The following PRAMEF15 variants were observed in gnomAD, a reference collection of about 807,000 sequenced individuals.
The protein encoded by PRAMEF15 is PRAME family member 9/15.
PRAMEF15 carries 21 observed loss-of-function variants against 35.3 expected under a neutral mutation model. The observed-to-expected ratio is 0.59, with a 90% CI of 0.42 to 0.86. PRAMEF15 has a LOEUF of 0.86. PRAMEF15 is among the 40% of genes least tolerant of loss of function. The pLI, the probability that PRAMEF15 is intolerant of heterozygous loss-of-function variation, is 0.00. For synonymous variants in PRAMEF15, 122 were observed against 223.3 expected, an observed-to-expected ratio of 0.55 and a Z score of 4.05; for missense variants, 360 against 574.1, an observed-to-expected ratio of 0.63 and a Z score of 3.81.
At chr1:13,316,693 G>C (rs879156827) in intron 1 of PRAMEF15, among the ~76,000 whole-genome samples, 7,581 of 149,800 alleles carry the variant, frequency 0.051, 345 homozygotes, top group East Asian at 0.26. Flanking sequence ...AGGTGATCAT[G>C]GGTTACATGA....
chr1:13,321,819 G>C lies in PRAMEF15; in HGVS notation c.992G>C (p.Ser331Thr), dbSNP rs1221653023. ...SISQLKTLDL[S>T]GIRLTNYSLV... ...AGTCAACTAAAGACCCTGGACCTGA[G>C]TGGCATCAGACTGACCAATTATAGT... Residue 331 changes from serine (S) to threonine (T), a missense_variant, in exon 4 of 4, where the codon AGT (serine) becomes ACT (threonine). Transcript: ENST00000376152. 1.9e-6 allele frequency: 3 copies of C among 1,608,130 alleles called. No homozygotes were observed. Among genetic ancestry groups the C allele is most frequent in the Non-Finnish European group, 2.5e-6 (3 of 1,177,560 alleles).
chr1:13,322,187 T>C lies in PRAMEF15; in HGVS notation c.1360T>C (p.Leu454=). 2 of 1,608,904 alleles carry C rather than the reference T, an allele frequency of 1.2e-6. No individual in the cohort carries two copies. Among genetic ancestry groups the C allele is most frequent in the South Asian group, 1.1e-5 (1 of 90,636 alleles). ...GGACTTAAGGCACCCCAAGAGGATC[T>C]TGTTCTGTACTGACTACTGCCCTGA... The part of the protein sequence containing the change: ...VRDLRHPKRI[L]FCTDYCPDCG... The change falls in exon 4 of 4, where the codon TTG becomes CTG. Residue 454 remains leucine (L), a synonymous_variant. Coordinates refer to ENST00000376152, the MANE Select transcript of PRAMEF15 (RefSeq NM_001098376.3).
intron 3 of PRAMEF15, among the ~76,000 whole-genome samples, chr1:13,320,361 C>A (rs1400846235): frequency 6.6e-6 from 1 of 152,012 alleles, no homozygotes; most frequent in Admixed American, 6.6e-5. Flanking sequence ...GAGTTTAAGA[C>A]CAGTCTGGGT....
rs1640035740 is a variant in PRAMEF15 at position 13,318,506 on chromosome 1, G to T, written c.99G>T (p.Leu33=). ...TGGCCATGTCCACCCTGGAGGAGCT[G>T]CCCACAGAACTTTTCCCCCCACTGT... ...QALAMSTLEE[L]PTELFPPLFM... The change falls in exon 2 of 4, where the codon CTG becomes CTT. Residue 33 remains leucine (L), a synonymous_variant. Coordinates refer to ENST00000376152, the MANE Select transcript of PRAMEF15 (RefSeq NM_001098376.3). The T allele has an allele frequency of 1.9e-6, 3 of 1,614,118 alleles. No individual in the cohort carries two copies. Among genetic ancestry groups the T allele is most frequent in the East Asian group, 2.2e-5 (1 of 44,878 alleles).
At chr1:13,319,053 G>T (rs918185415) in intron 2 of PRAMEF15, among the ~76,000 whole-genome samples, 10 of 152,000 alleles carry the variant, frequency 6.6e-5, no homozygotes, top group African/African-American at 2.4e-4. Context: ...AATTAGCTGG[G>T]CATGGTGGTG....
chr1:13,315,856 G>T (rs1375001289), intron 1 of PRAMEF15, among the ~76,000 whole-genome samples, 198 bp downstream of exon 1: 2 of 151,400 alleles, frequency 1.3e-5, no homozygotes, highest in Non-Finnish European at 3.0e-5. Flanking sequence ...TTGTGCTTTG[G>T]TTGATGCCAT....
In PRAMEF15 at chr1:13,315,654, A is replaced by C. The variant is rs1370826981; in HGVS notation, c.-21A>C. Reference sequence around the variant, plus strand: ...TGAGCACCTTCTAGACTACATCCAGATCTGGTAAGTCACTAATTTCTGTAA... The same window carrying C: ...TGAGCACCTTCTAGACTACATCCAGCTCTGGTAAGTCACTAATTTCTGTAA... On this transcript the variant is annotated 5_prime_UTR_variant, in exon 1 of 4. Transcript: ENST00000376152. The C allele has an allele frequency of 6.6e-6, 1 of 151,402 alleles. No individual in the cohort carries two copies. The highest frequency in any genetic ancestry group is 2.4e-5 in the African/African-American group (1 of 41,040). 9.4% of individuals were successfully genotyped at this position (151,402 alleles called of 1,614,324 possible).
In PRAMEF15 at chr1:13,318,691, T is replaced by A. The variant is rs1382873129; in HGVS notation, c.284T>A (p.Val95Asp). Residue 95 changes from valine to aspartate, a missense_variant, in exon 2 of 4, where the codon GTT becomes GAT. Around this residue, in one of 8 missense-constraint regions of PRAMEF15, gnomAD observed 44 missense variants for 25.9 expected, o/e 1.70. Transcript: ENST00000376152. ...CTTGATGCACTGCTTACCCAAGGGGTTCGTCCCAGGTGAGGTGGCCCAGGT... is the reference window on the plus strand; with the variant it reads ...CTTGATGCACTGCTTACCCAAGGGGATCGTCCCAGGTGAGGTGGCCCAGGT... ...DGLDALLTQG[V>D]RPRRWKLQVL... 2 of 1,613,770 alleles carry A rather than the reference T, an allele frequency of 1.2e-6. No individual in the cohort carries two copies. Among genetic ancestry groups the A allele is most frequent in the African/African-American group, 2.7e-5 (2 of 75,028 alleles).
At chr1:13,319,278 C>G (rs4104404) in intron 2 of PRAMEF15, 94 bp from the exon 3 acceptor site, 42,381 of 1,458,760 alleles carry the variant, frequency 0.029, 610 homozygotes, top group East Asian at 0.17. Context: ...AGAGGGACAA[C>G]AAGCAGGGAG....
At position 13,318,958 on chromosome 1, in the gene PRAMEF15, A is replaced by T. The variant is rs74560307; in HGVS notation, c.293+258A>T. Among the ~76,000 whole-genome samples the T allele has an allele frequency of 8.8e-4, 133 of 151,312 alleles. 1 individual carries two copies. The highest frequency in any genetic ancestry group is 4.5e-3 in the East Asian group (23 of 5,076). On this transcript the variant is annotated intron_variant, in intron 2 of 3. Transcript: ENST00000376152. ...GCCGGGCACGGTGGCTCACAATGTA[A>T]TCCCAGCACATTGGGAGGCTGAGGT...
At position 13,320,198 on chromosome 1, in the gene PRAMEF15, T is replaced by C. The variant is rs1388149469; in HGVS notation, c.875+245T>C. Among the ~76,000 whole-genome samples the C allele has an allele frequency of 3.3e-5, 5 of 152,052 alleles. No individual in the cohort carries two copies. In the East Asian group the frequency reaches 5.8e-4, roughly 18 times the overall value. On this transcript the variant is annotated intron_variant, in intron 3 of 3. Coordinates refer to ENST00000376152, the MANE Select transcript of PRAMEF15 (RefSeq NM_001098376.3). ...GCTGCCATGCTAGGAAGCTAGCTAC[T>C]GGGGGGTTCAGATCTAGTGAGGGTG... is the stretch of plus-strand genomic sequence containing the variant.
rs1246424727 is a variant in PRAMEF15 at position 13,322,181 on chromosome 1, A to C, written c.1354A>C (p.Arg452=). 20 of 1,608,662 alleles carry C rather than the reference A, an allele frequency of 1.2e-5. No individual in the cohort carries two copies. The highest frequency in any genetic ancestry group is 1.5e-5 in the Non-Finnish European group (18 of 1,179,170). Residue 452 remains arginine, a synonymous_variant, in exon 4 of 4, where the codon AGG becomes CGG. Coordinates refer to ENST00000376152, the MANE Select transcript of PRAMEF15 (RefSeq NM_001098376.3). ...AGTGAGGGACTTAAGGCACCCCAAG[A>C]GGATCTTGTTCTGTACTGACTACTG... ...NRVRDLRHPK[R]ILFCTDYCPD...
rs1640094055 is a variant in PRAMEF15 at position 13,322,210 on chromosome 1, T to A, written c.1383T>A (p.Pro461=). 1 of 1,606,360 alleles carries A rather than the reference T, an allele frequency of 6.2e-7. No homozygotes were observed. Among genetic ancestry groups the A allele is most frequent in the Admixed American group, 1.7e-5 (1 of 59,516 alleles). Residue 461 remains proline, a synonymous_variant, in exon 4 of 4, where the codon CCT becomes CCA. Transcript: ENST00000376152. ...TCTTGTTCTGTACTGACTACTGCCC[T>A]GACTGTGGCAACAGGTCATTTTATG... ...KRILFCTDYC[P]DCGNRSFYDL... is the part of the protein sequence containing the mutation.
intron 3 of PRAMEF15, among the ~76,000 whole-genome samples, chr1:13,320,683 C>G (rs1465566598): frequency 0.013 from 1,878 of 144,470 alleles, no homozygotes; most frequent in East Asian, 0.048. Flanking sequence ...CATGGACTCC[C>G]AAAGTGCTGG....
intron 1 of PRAMEF15, 100 bp downstream of exon 1, chr1:13,315,758 G>C (rs1177644084): frequency 2.1e-5 from 3 of 144,252 alleles, no homozygotes; most frequent in Non-Finnish European, 4.6e-5. Context: ...GCTATATCCT[G>C]TCCTTTTTTT....
In PRAMEF15 at chr1:13,320,095, G is replaced by A; in HGVS notation, c.875+142G>A. 5 of 1,549,564 alleles carry A rather than the reference G, an allele frequency of 3.2e-6. No homozygotes were observed. The South Asian group carries it at 6.0e-5, about 19-fold the overall frequency. ...AATGTCCATGCATTGTCCTGTTGGT[G>A]GCCCTGTCCTGAAATGGGTATCATG... On this transcript the variant is annotated intron_variant, in intron 3 of 3. Transcript: ENST00000376152.
At chr1:13,316,896 C>T (rs1344787145) in intron 1 of PRAMEF15, among the ~76,000 whole-genome samples, 6,550 of 150,174 alleles carry the variant, frequency 0.044, 260 homozygotes, top group East Asian at 0.25. Flanking sequence ...TTGAAGGACA[C>T]ATATTAGTAA....
At chr1:13,318,070 T>A (rs1254736021) in intron 1 of PRAMEF15, among the ~76,000 whole-genome samples, 146,829 of 150,818 alleles carry the variant, frequency 0.97, 71,606 homozygotes, top group African/African-American at 0.99. Context: ...TTGTTTTAGA[T>A]CCTTGAGTAA....
intron 1 of PRAMEF15, among the ~76,000 whole-genome samples, chr1:13,316,499 A>G (rs2100313526): frequency 6.6e-6 from 1 of 151,926 alleles, no homozygotes; most frequent in Admixed American, 6.6e-5. Context: ...TCTTCCACCC[A>G]AATGGAGACA....
Sources: gnomAD v4.1 joint callset for allele counts (sites outside exome capture counted in the v4.1 genomes callset) on GRCh38, gnomAD v4.1.1 for gene constraint, gnomAD v4.1.1 regional missense constraint, MANE v1.5 for transcripts, NCBI Gene and HGNC (gene_info 2026-07-23, HGNC 2026-07-21) for gene names.